The following SBF2 variants were observed in gnomAD, a reference collection of about 807,000 sequenced individuals.
The protein encoded by SBF2 is SET binding factor 2.
SBF2 carries 112 observed loss-of-function variants against 225.2 expected under a neutral mutation model. The ratio of observed to expected loss-of-function variants is 0.50; its 90% CI spans 0.43 to 0.58. The LOEUF (loss-of-function observed/expected upper bound fraction) is 0.58, where lower values mean the gene tolerates loss of function less well. SBF2 is among the 20% of genes least tolerant of loss of function. The pLI is 0.00. For missense variants in SBF2, 1,996 were observed against 2,206.2 expected (o/e 0.90, Z 1.91); for synonymous variants, 763 against 773.3 (o/e 0.99, Z 0.22).
At chr11:10,230,675 G>T (rs1313733684) in intron 1 of SBF2, among the ~76,000 whole-genome samples, 1 of 152,206 alleles carries the variant, frequency 6.6e-6, no homozygotes, top group Admixed American at 6.5e-5. Flanking sequence ...TCTGCTGAGA[G>T]ATCCGCTGTT....
chr11:9,885,349 C>T (rs1257718041), intron 17 of SBF2, among the ~76,000 whole-genome samples: 1 of 148,510 alleles, frequency 6.7e-6, no homozygotes, highest in Non-Finnish European at 1.5e-5. Context: ...TCTTCAGTGG[C>T]TCATGACGAA....
intron 9 of SBF2, among the ~76,000 whole-genome samples, chr11:9,994,407 G>C: frequency 6.6e-6 from 1 of 150,736 alleles, no homozygotes; most frequent in East Asian, 2.0e-4. Context: ...CCCGGGAGGC[G>C]GAGCTTGCAG....
intron 17 of SBF2, among the ~76,000 whole-genome samples, chr11:9,876,575 A>G (rs1859260702): frequency 6.6e-6 from 1 of 152,208 alleles, no homozygotes; most frequent in African/African-American, 2.4e-5. Flanking sequence ...GCCACGTGAC[A>G]TAGTGATAAG....
intron 2 of SBF2, among the ~76,000 whole-genome samples, chr11:10,187,143 T>C (rs1369627014): frequency 1.3e-5 from 2 of 152,194 alleles, no homozygotes; most frequent in Non-Finnish European, 2.9e-5. Flanking sequence ...CCCATAAAAC[T>C]AACTTTTACT....
intron 14 of SBF2, among the ~76,000 whole-genome samples, chr11:9,966,278 T>C (rs1866903482): frequency 6.6e-6 from 1 of 152,062 alleles, no homozygotes; most frequent in Non-Finnish European, 1.5e-5. Flanking sequence ...TTAGTAGAGA[T>C]GGAGTTTCAC....
At position 9,829,377 on chromosome 11, in the gene SBF2, G is replaced by C; in HGVS notation, c.3772C>G (p.Pro1258Ala). The C allele has an allele frequency of 1.2e-6, 2 of 1,614,142 alleles. No homozygotes were observed. Among genetic ancestry groups the C allele is most frequent in the Non-Finnish European group, 1.7e-6 (2 of 1,180,000 alleles). Reference protein sequence around the residue: ...LRGNSTLTVRPAFALSPGVWA... With the variant: ...LRGNSTLTVRAAFALSPGVWA... ...TTACCTGGAGATAGAGCAAAGGCTG[G>C]CCTGACAGTAAGAGTGCTGTTGCCT... Residue 1258 changes from proline (P) to alanine (A), a missense_variant, in exon 28 of 40, where the codon CCA (proline) becomes GCA (alanine). Pro to Ala is a conservative substitution (Grantham distance 27, BLOSUM62 -1). Transcript: ENST00000256190.
intron 17 of SBF2, among the ~76,000 whole-genome samples, chr11:9,867,261 ATG>A (rs1378539098): frequency 6.6e-6 from 1 of 152,184 alleles, no homozygotes; most frequent in Non-Finnish European, 1.5e-5. Flanking sequence ...TACACCTACT[ATG>A]TACCCACAAA....
chr11:10,071,265 CTT>C (rs945479458), intron 2 of SBF2, among the ~76,000 whole-genome samples: 20 of 103,052 alleles, frequency 1.9e-4, no homozygotes, highest in African/African-American at 4.0e-4. Context: ...CTCTCTCTCT[CTT>C]TTTTTTTTTT....
chr11:9,866,778 C>A (rs985812663), intron 17 of SBF2, among the ~76,000 whole-genome samples: 1 of 152,014 alleles, frequency 6.6e-6, no homozygotes, highest in South Asian at 2.1e-4. Context: ...AAACAATTAG[C>A]AAACTAAAGA....
intron 2 of SBF2, among the ~76,000 whole-genome samples, chr11:10,085,282 G>C (rs1048530282): frequency 6.6e-6 from 1 of 151,912 alleles, no homozygotes; most frequent in African/African-American, 2.4e-5. Context: ...TCTCAAACTC[G>C]TATTACATGA....
intron 28 of SBF2, among the ~76,000 whole-genome samples, chr11:9,818,510 C>T (rs1489437816): frequency 6.6e-6 from 1 of 152,128 alleles, no homozygotes; most frequent in East Asian, 1.9e-4. Flanking sequence ...GGATACAGGA[C>T]TTTCCTACTG....
intron 6 of SBF2, among the ~76,000 whole-genome samples, chr11:10,024,646 T>C (rs1948984137): frequency 6.6e-6 from 1 of 151,972 alleles, no homozygotes; most frequent in East Asian, 1.9e-4. Flanking sequence ...CAGAAACAAG[T>C]CCCTTAGGCA....
At chr11:9,812,496 T>C (rs1854243936) in intron 30 of SBF2, 36 bp downstream of exon 30, 2 of 1,611,638 alleles carry the variant, frequency 1.2e-6, no homozygotes, top group South Asian at 1.1e-5. Flanking sequence ...CTCTGTTTCT[T>C]TGAGTTATAA....
At chr11:9,871,546 C>A (rs1858746468) in intron 17 of SBF2, among the ~76,000 whole-genome samples, 1 of 150,556 alleles carries the variant, frequency 6.6e-6, no homozygotes, top group Admixed American at 6.6e-5. Flanking sequence ...GGCTGGAGTG[C>A]AGTGGCGCGA....
intron 1 of SBF2, among the ~76,000 whole-genome samples, chr11:10,204,122 C>T (rs574566737): frequency 1.2e-4 from 18 of 150,916 alleles, no homozygotes; most frequent in African/African-American, 4.4e-4. Flanking sequence ...TATCTAAAAA[C>T]AGCTGGAGAA....
rs189955039 is a variant in SBF2 at position 10,060,756 on chromosome 11, C to T, written c.142-17775G>A. The stretch of plus-strand genomic sequence containing the variant: ...AAAAATCTGTAAACGTGGCCAGGTG[C>T]GGTGGCTCATGCCTGTAATCCCAGC... On this transcript the variant is annotated intron_variant, in intron 2 of 39. Transcript: ENST00000256190. Among the ~76,000 whole-genome samples the T allele has an allele frequency of 1.6e-4, 25 of 152,198 alleles. No homozygotes were observed. The East Asian group carries it at 1.7e-3, about 11-fold the overall frequency.
intron 2 of SBF2, among the ~76,000 whole-genome samples, chr11:10,191,051 C>T (rs965468197): frequency 1.3e-5 from 2 of 152,158 alleles, no homozygotes; most frequent in African/African-American, 4.8e-5. Context: ...ATACTACCAC[C>T]ATTATGTACG....
chr11:10,037,648 AT>A (rs1949494867), intron 3 of SBF2, among the ~76,000 whole-genome samples: 1 of 150,448 alleles, frequency 6.6e-6, no homozygotes, highest in Non-Finnish European at 1.5e-5. Context: ...AAAAAAAAAA[AT>A]CCTTATTATT....
intron 28 of SBF2, among the ~76,000 whole-genome samples, chr11:9,824,228 G>T (rs892541689): frequency 1.3e-5 from 2 of 152,104 alleles, no homozygotes; most frequent in Admixed American, 1.3e-4. Flanking sequence ...GCCAAGAGTT[G>T]GAGGCCAGTG....
Sources: allele counts gnomAD v4.1 joint callset (sites outside exome capture counted in the v4.1 genomes callset), GRCh38; gene constraint gnomAD v4.1.1; transcripts MANE v1.5; gene names NCBI Gene and HGNC (gene_info 2026-07-23, HGNC 2026-07-21).